Variants in DCAF12L1 observed in about 807,000 individuals in gnomAD.
The protein encoded by DCAF12L1 is DDB1 and CUL4 associated factor 12 like 1.
For synonymous variants in DCAF12L1, 218 were observed against 196.4 expected (o/e 1.11, Z -0.92); for missense variants, 251 against 409.2 (o/e 0.61, Z 3.34).
rs889011165 is a variant in DCAF12L1 at position 126,549,493 on chromosome X, T to C, written c.*1637A>G. The C allele has an allele frequency of 8.9e-6, 1 of 112,108 alleles. No individual in the cohort carries two copies. Among genetic ancestry groups the C allele is most frequent in the Non-Finnish European group, 1.9e-5 (1 of 53,225 alleles). The allele number at this position is 112,108 out of a possible 1,213,427, so 9.2% of individuals were successfully genotyped here. A position where few individuals can be genotyped will look rare whatever the true frequency, so the allele number is the denominator to read the frequency against. On this transcript the variant is annotated 3_prime_UTR_variant, in exon 2 of 2. Coordinates refer to ENST00000371126, the MANE Select transcript of DCAF12L1 (RefSeq NM_178470.5). The stretch of plus-strand genomic sequence containing the variant: ...CTTATTGCCTTTTATTTGCTAAGTA[T>C]TAGTGGAGAAATGAGGCAATATAAA...
chrX:126,551,221 C>G lies in DCAF12L1; in HGVS notation c.1388G>C (p.Ser463Thr), dbSNP rs1927454254. 1.7e-6 allele frequency: 2 copies of G among 1,205,592 alleles called. No homozygotes were observed. The highest frequency in any genetic ancestry group is 2.2e-6 in the Non-Finnish European group (2 of 892,681). Residue 463 changes from serine (S) to threonine (T), a missense_variant, in exon 1 of 2, where the codon AGC (serine) becomes ACC (threonine). Physicochemically the swap from Ser to Thr is moderately conservative, Grantham distance 58 (BLOSUM62 1). Transcript: ENST00000371126. ...GLHGNYAGLW[S>T] ...TGGAGTACAAGGCGGTCATCCTTAG[C>G]TCCAGAGGCCTGCATAGTTCCCATG...
rs764645023 is a variant in DCAF12L1 at position 126,551,985 on chromosome X, G to T, written c.624C>A (p.Ala208=). 3 of 1,212,496 alleles carry T rather than the reference G, an allele frequency of 2.5e-6. No individual in the cohort carries two copies. Among genetic ancestry groups the T allele is most frequent in the Non-Finnish European group, 3.3e-6 (3 of 895,700 alleles). Residue 208 remains alanine, a synonymous_variant, in exon 1 of 2, where the codon GCC becomes GCA. Coordinates refer to ENST00000371126, the MANE Select transcript of DCAF12L1 (RefSeq NM_178470.5). ...CAGTGCCGTCGCGGGAGCCGCTCAC[G>T]GCTACGGTGTCACTCAGCCAGGCGA... The part of the protein sequence containing the change: ...FAVAWLSDTV[A]VSGSRDGTVA...
rs1431901402 is a variant in DCAF12L1 at position 126,552,414 on chromosome X, G to A, written c.195C>T (p.Pro65=). 1.7e-6 allele frequency: 2 copies of A among 1,211,035 alleles called. No homozygotes were observed. The highest frequency in any genetic ancestry group is 1.7e-5 in the African/African-American group (1 of 57,937). The change falls in exon 1 of 2, where the codon CCC becomes CCT. Residue 65 remains proline (P), a synonymous_variant. Transcript: ENST00000371126. ...CGCCATCGAAGCCCTGGAGCCTGGC[G>A]GGGCCCCACCCGCCTACCTCCCGAA... The part of the protein sequence containing the change: ...LKVREVGGWG[P]ARLQGFDGEL...
chrX:126,552,418 C>A lies in DCAF12L1; in HGVS notation c.191G>T (p.Gly64Val), dbSNP rs778313079. Residue 64 changes from glycine (G) to valine (V), a missense_variant, in exon 1 of 2, where the codon GGC becomes GTC. Gly to Val is a moderately radical substitution (Grantham distance 109). Transcript: ENST00000371126. ...ATCGAAGCCCTGGAGCCTGGCGGGG[C>A]CCCACCCGCCTACCTCCCGAACCTT... The part of the protein sequence containing the change: ...YLKVREVGGW[G>V]PARLQGFDGE... The A allele has an allele frequency of 2.5e-6, 3 of 1,210,719 alleles. No homozygotes were observed. In the African/African-American group the frequency reaches 5.2e-5, roughly 21 times the overall value.
chrX:126,552,409 C>T lies in DCAF12L1; in HGVS notation c.200G>A (p.Arg67Lys), dbSNP rs1259594953. ...VREVGGWGPA[R>K]LQGFDGELRG... ...CAGCTCGCCATCGAAGCCCTGGAGC[C>T]TGGCGGGGCCCCACCCGCCTACCTC... The change falls in exon 1 of 2, where the codon AGG becomes AAG. Residue 67 changes from arginine (R) to lysine (K), a missense_variant. Arg to Lys is a conservative substitution (Grantham distance 26, BLOSUM62 2). Transcript: ENST00000371126. 1 of 1,211,119 alleles carries T rather than the reference C, an allele frequency of 8.3e-7. No individual in the cohort carries two copies. The highest frequency in any genetic ancestry group is 1.1e-6 in the Non-Finnish European group (1 of 895,350).
intron 1 of DCAF12L1, 22 bp from the exon 2 acceptor site, chrX:126,551,129 G>A (rs1927452465): frequency 2.7e-6 from 3 of 1,091,723 alleles, no homozygotes; most frequent in Admixed American, 6.0e-5. Flanking sequence ...AAGACGCACA[G>A]AGTTAAAAGC....
chrX:126,552,525 C>T lies in DCAF12L1; in HGVS notation c.84G>A (p.Leu28=). The change falls in exon 1 of 2, where the codon TTG becomes TTA. Residue 28 remains leucine (L), a synonymous_variant. Transcript: ENST00000371126. ...GCGGCCCCTCACCGTCCGCTGCCGC[C>T]AAGCCCTGCGACGGCGAGCTCTCGG... ...ADAESSPSQG[L]AAADGEGPLL... The T allele has an allele frequency of 8.3e-7, 1 of 1,209,353 alleles. No individual in the cohort carries two copies. The highest frequency in any genetic ancestry group is 1.1e-6 in the Non-Finnish European group (1 of 895,272).
rs919190239 is a variant in DCAF12L1 at position 126,551,061 on chromosome X, C to T, written c.*69G>A. ...AGTTTTCATTGACCAAAGGACCACT[C>T]ACTCTCTCTGCTTGGAGGAGTACAA... On this transcript the variant is annotated 3_prime_UTR_variant, in exon 2 of 2. Transcript: ENST00000371126. 3.3e-6 allele frequency: 2 copies of T among 603,603 alleles called. No individual in the cohort carries two copies. The highest frequency in any genetic ancestry group is 2.3e-5 in the African/African-American group (1 of 43,442). 49.7% of individuals were successfully genotyped at this position (603,603 alleles called of 1,213,427 possible). A position where few individuals can be genotyped will look rare whatever the true frequency, so the allele number is the denominator to read the frequency against.
rs1448964633 is a variant in DCAF12L1, at chrX:126,550,223, G to A, written c.*907C>T. On this transcript the variant is annotated 3_prime_UTR_variant, in exon 2 of 2. Coordinates refer to ENST00000371126, the MANE Select transcript of DCAF12L1 (RefSeq NM_178470.5). ...AATATAACATTTTATAATAAAAACA[G>A]CAACAGCAAAAATATCTAGTCTATA... 8.9e-6 allele frequency: 1 copy of A among 111,969 alleles called. No individual in the cohort carries two copies. The highest frequency in any genetic ancestry group is 3.3e-5 in the African/African-American group (1 of 30,738). The allele number at this position is 111,969 out of a possible 1,213,427, so 9.2% of individuals were successfully genotyped here.
At position 126,549,538 on chromosome X, in the gene DCAF12L1, G is replaced by A. The variant is rs1927429052; in HGVS notation, c.*1592C>T. Reference sequence around the variant, plus strand: ...TATAAAGATGACAATTGTATTCTCTGTTCTCAAGACATTTACAACTGACTT... The same window carrying A: ...TATAAAGATGACAATTGTATTCTCTATTCTCAAGACATTTACAACTGACTT... On this transcript the variant is annotated 3_prime_UTR_variant, in exon 2 of 2. Transcript: ENST00000371126. 8.9e-6 allele frequency: 1 copy of A among 112,153 alleles called. No homozygotes were observed. The highest frequency in any genetic ancestry group is 1.9e-5 in the Non-Finnish European group (1 of 53,237). The allele number at this position is 112,153 out of a possible 1,213,427, so 9.2% of individuals were successfully genotyped here.
In DCAF12L1 at chrX:126,551,765, A is replaced by G. The variant is rs747418903; in HGVS notation, c.844T>C (p.Leu282=). The change falls in exon 1 of 2, where the codon TTG becomes CTG. Residue 282 remains leucine (L), a synonymous_variant. Transcript: ENST00000371126. The part of the protein sequence containing the change: ...GKNQELGAVS[L]DGYFHLWKAG... Reference sequence around the variant, plus strand: ...TTCCACAGGTGGAAGTAGCCGTCCAAGGACACCGCTCCCAGTTCCTGGTTC... The same window carrying G: ...TTCCACAGGTGGAAGTAGCCGTCCAGGGACACCGCTCCCAGTTCCTGGTTC... The G allele has an allele frequency of 2.5e-6, 3 of 1,212,108 alleles. No individual in the cohort carries two copies. Among genetic ancestry groups the G allele is most frequent in the South Asian group, 1.8e-5 (1 of 57,027 alleles).
rs1257596540 is a variant in DCAF12L1 at position 126,552,711 on chromosome X, G to C, written c.-103C>G. The C allele has an allele frequency of 1.8e-6, 2 of 1,105,254 alleles. No homozygotes were observed. Among genetic ancestry groups the C allele is most frequent in the South Asian group, 2.2e-5 (1 of 45,539 alleles). The allele number at this position is 1,105,254 out of a possible 1,213,427, so 91.1% of individuals were successfully genotyped here. On this transcript the variant is annotated 5_prime_UTR_variant, in exon 1 of 2. Transcript: ENST00000371126. Reference sequence around the variant, plus strand: ...CGGCGTGGATGGCTGCGCTGGAACCGAGCCTTCGGATTCTGAGGCGCGGCA... The same window carrying C: ...CGGCGTGGATGGCTGCGCTGGAACCCAGCCTTCGGATTCTGAGGCGCGGCA...
chrX:126,550,918 CAG>C lies in DCAF12L1; in HGVS notation c.*210_*211del, dbSNP rs1450568285. ...CCATGACTGCATCTTCTTAAAGAAA[CAG>C]AATGTATGAATCACTCAAAGAGAGA... On this transcript the variant is annotated 3_prime_UTR_variant, in exon 2 of 2. Coordinates refer to ENST00000371126, the MANE Select transcript of DCAF12L1 (RefSeq NM_178470.5). 3.2e-5 allele frequency: 8 copies of C among 252,753 alleles called. No homozygotes were observed. Among genetic ancestry groups the C allele is most frequent in the South Asian group, 2.0e-4 (1 of 4,958 alleles). 20.8% of individuals were successfully genotyped at this position (252,753 alleles called of 1,213,427 possible).
chrX:126,551,174 C>G, intron 1 of DCAF12L1, 21 bp downstream of exon 1: 1 of 1,160,567 alleles, frequency 8.6e-7, no homozygotes, highest in African/African-American at 1.8e-5. Context: ...TCGGGCGGAA[C>G]TGAAAGGTAA....
In DCAF12L1 at chrX:126,551,292, A is replaced by G; in HGVS notation, c.1317T>C (p.Pro439=). The part of the protein sequence containing the change: ...NALYTHCYNW[P]EMKLFVAGGP... ...CCCCAGCCACAAAGAGCTTCATCTCAGGCCAGTTGTAGCAGTGGGTGTAGA... is the reference window on the plus strand; with the variant it reads ...CCCCAGCCACAAAGAGCTTCATCTCGGGCCAGTTGTAGCAGTGGGTGTAGA... Residue 439 remains proline, a synonymous_variant, in exon 1 of 2, where the codon CCT becomes CCC. Coordinates refer to ENST00000371126, the MANE Select transcript of DCAF12L1 (RefSeq NM_178470.5). The G allele has an allele frequency of 1.7e-6, 2 of 1,210,707 alleles. No homozygotes were observed. Among genetic ancestry groups the G allele is most frequent in the South Asian group, 1.8e-5 (1 of 56,934 alleles).
Position 126,552,754 on chromosome X carries a change from G to C in DCAF12L1, c.-146C>G. On this transcript the variant is annotated 5_prime_UTR_variant, in exon 1 of 2. Coordinates refer to ENST00000371126, the MANE Select transcript of DCAF12L1 (RefSeq NM_178470.5). ...GCGCGGCAGTGGCGGACCGGGTGAG[G>C]GACGCGCGGGAGAGGGCGGCGGTGG... is the stretch of plus-strand genomic sequence containing the variant. The C allele has an allele frequency of 1.0e-6, 1 of 962,467 alleles. No homozygotes were observed. The highest frequency in any genetic ancestry group is 1.4e-6 in the Non-Finnish European group (1 of 728,616). The allele number at this position is 962,467 out of a possible 1,213,427, so 79.3% of individuals were successfully genotyped here.
chrX:126,552,753 G>C lies in DCAF12L1; in HGVS notation c.-145C>G. 1 of 959,838 alleles carries C rather than the reference G, an allele frequency of 1.0e-6. No homozygotes were observed. Among genetic ancestry groups the C allele is most frequent in the East Asian group, 3.6e-5 (1 of 28,152 alleles). The allele number at this position is 959,838 out of a possible 1,213,427, so 79.1% of individuals were successfully genotyped here. On this transcript the variant is annotated 5_prime_UTR_variant, in exon 1 of 2. Coordinates refer to ENST00000371126, the MANE Select transcript of DCAF12L1 (RefSeq NM_178470.5). The stretch of plus-strand genomic sequence containing the variant: ...GGCGCGGCAGTGGCGGACCGGGTGA[G>C]GGACGCGCGGGAGAGGGCGGCGGTG...
rs1180750652 is a variant in DCAF12L1 at position 126,552,433 on chromosome X, T to A, written c.176A>T (p.Glu59Val). ...RSMAHYLKVR[E>V]VGGWGPARLQ... The stretch of plus-strand genomic sequence containing the variant: ...CCTGGCGGGGCCCCACCCGCCTACC[T>A]CCCGAACCTTCAGATAGTGCGCCAT... Residue 59 changes from glutamate (E) to valine (V), a missense_variant, in exon 1 of 2, where the codon GAG (glutamate) becomes GTG (valine). Coordinates refer to ENST00000371126, the MANE Select transcript of DCAF12L1 (RefSeq NM_178470.5). 15 of 1,209,156 alleles carry A rather than the reference T, an allele frequency of 1.2e-5. No individual in the cohort carries two copies. Among genetic ancestry groups the A allele is most frequent in the Non-Finnish European group, 1.6e-5 (14 of 895,008 alleles).
At position 126,551,409 on chromosome X, in the gene DCAF12L1, C is replaced by T. The variant is rs1927457477; in HGVS notation, c.1200G>A (p.Arg400=). The T allele has an allele frequency of 7.4e-6, 9 of 1,212,119 alleles. No homozygotes were observed. Among genetic ancestry groups the T allele is most frequent in the Non-Finnish European group, 1.0e-5 (9 of 895,612 alleles). ...CTCTGCCACAGGCAAGCCTGAGCTT[C>T]CTCCTTGCAGGTCCCGAAGAGGACT... ...TLESSSGPAR[R]KLRLACGRGW... The change falls in exon 1 of 2, where the codon AGG becomes AGA. Residue 400 remains arginine (R), a synonymous_variant. Transcript: ENST00000371126.
Sources: gnomAD v4.1 joint callset for allele counts on GRCh38, gnomAD v4.1.1 for gene constraint, MANE v1.5 for transcripts, NCBI Gene and HGNC (gene_info 2026-07-23, HGNC 2026-07-21) for gene names.